SUCLG2: variants seen among roughly 807,000 people sequenced by gnomAD.
SUCLG2 encodes succinate--CoA ligase [GDP-forming] subunit beta, mitochondrial.
Under a neutral mutation model 47.9 loss-of-function variants are expected in SUCLG2, and 42 were observed. The ratio of observed to expected loss-of-function variants is 0.88; its 90% CI spans 0.69 to 1.14. The LOEUF (loss-of-function observed/expected upper bound fraction) is 1.14, where lower values mean the gene tolerates loss of function less well. Among genes scored for constraint, SUCLG2 ranks in the 50% most tolerant of loss-of-function variants. The pLI is 0.00. For missense variants in SUCLG2, 571 were observed against 525.9 expected (o/e 1.09, Z -0.84); for synonymous variants, 195 against 197.3 (o/e 0.99, Z 0.10).
chr3:67,651,516 G>GT (rs1440406459), intron 1 of SUCLG2, among the ~76,000 whole-genome samples: 1 of 152,186 alleles, frequency 6.6e-6, no homozygotes, highest in African/African-American at 2.4e-5. Flanking sequence ...GCAATGTGAA[G>GT]TATGTGTATG....
chr3:67,395,944 G>A (rs1324932199), intron 10 of SUCLG2, among the ~76,000 whole-genome samples: 4 of 152,036 alleles, frequency 2.6e-5, no homozygotes, highest in Non-Finnish European at 5.9e-5. Context: ...GTAAATGAAG[G>A]CAGAAATAAA....
At chr3:67,485,474 T>A (rs1167536663) in intron 9 of SUCLG2, among the ~76,000 whole-genome samples, 1 of 152,164 alleles carries the variant, frequency 6.6e-6, no homozygotes, top group South Asian at 2.1e-4. Context: ...ATTTTATATG[T>A]TAGGCTTCTT....
chr3:67,529,287 G>A, intron 2 of SUCLG2, 101 bp from the exon 3 acceptor site: 7 of 814,020 alleles, frequency 8.6e-6, no homozygotes, highest in South Asian at 1.8e-5. Context: ...CCAAGTAACT[G>A]GTAAAAGCTC....
In SUCLG2 at chr3:67,555,093, T is replaced by C. The variant is rs544701474; in HGVS notation, c.227-25907A>G. 4.8e-3 allele frequency among the ~76,000 whole-genome samples: 731 copies of C among 152,130 alleles called. 5 individuals are homozygous for C. Among genetic ancestry groups the C allele is most frequent in the Middle Eastern group, 0.02 (6 of 294 alleles). On this transcript the variant is annotated intron_variant, in intron 2 of 10. Transcript: ENST00000307227. Reference sequence around the variant, plus strand: ...AGAGACAGAACAGCTGGGAAACTGATCACACTGATTAATAACAGTAAATTA... The same window carrying C: ...AGAGACAGAACAGCTGGGAAACTGACCACACTGATTAATAACAGTAAATTA...
chr3:67,474,460 TGAGAC>T (rs1704692581), intron 9 of SUCLG2, among the ~76,000 whole-genome samples: 1 of 152,166 alleles, frequency 6.6e-6, no homozygotes, highest in Non-Finnish European at 1.5e-5. Context: ...CTGACAGAGA[TGAGAC>T]AAGACGTGAT....
intron 2 of SUCLG2, among the ~76,000 whole-genome samples, chr3:67,534,373 C>T (rs1179808192): frequency 2.0e-5 from 3 of 151,444 alleles, no homozygotes; most frequent in African/African-American, 7.3e-5. Context: ...AATTTTAGTC[C>T]CTATAAAAAT....
At chr3:67,626,881 T>G (rs1700839759) in intron 1 of SUCLG2, among the ~76,000 whole-genome samples, 1 of 117,166 alleles carries the variant, frequency 8.5e-6, no homozygotes, top group African/African-American at 3.4e-5. Flanking sequence ...ACCACTGCAC[T>G]CCAGCCTGGG....
intron 9 of SUCLG2, among the ~76,000 whole-genome samples, chr3:67,410,605 T>C (rs765350673): frequency 2.0e-4 from 30 of 152,160 alleles, no homozygotes; most frequent in Admixed American, 6.6e-4. Context: ...GCAACGTTCT[T>C]TTTTGAGTGC....
chr3:67,453,575 C>T (rs1318591468), intron 9 of SUCLG2, among the ~76,000 whole-genome samples: 3 of 152,144 alleles, frequency 2.0e-5, no homozygotes, highest in Non-Finnish European at 4.4e-5. Flanking sequence ...TTTCAACTTA[C>T]GAATGGTGGG....
rs189413307 is a variant in SUCLG2, at chr3:67,395,855, G to C, written c.1183+4876C>G. ...CACAGTGCAATCAAACTAGAACTCAGGATTAAGAAACTCACTCAAAACCGC... is the reference window on the plus strand; with the variant it reads ...CACAGTGCAATCAAACTAGAACTCACGATTAAGAAACTCACTCAAAACCGC... On this transcript the variant is annotated intron_variant, in intron 10 of 10. Transcript: ENST00000307227. 6.5e-3 allele frequency among the ~76,000 whole-genome samples: 992 copies of C among 152,232 alleles called. 22 individuals carry two copies. The East Asian group carries it at 0.089, about 14-fold the overall frequency.
intron 6 of SUCLG2, among the ~76,000 whole-genome samples, chr3:67,510,761 C>T (rs753709334): frequency 2.0e-5 from 3 of 152,108 alleles, no homozygotes; most frequent in African/African-American, 4.8e-5. Flanking sequence ...GTTGACATTA[C>T]AGCACTGCCT....
At chr3:67,524,621 T>C (rs1360873719) in intron 4 of SUCLG2, among the ~76,000 whole-genome samples, 1 of 152,186 alleles carries the variant, frequency 6.6e-6, no homozygotes, top group Non-Finnish European at 1.5e-5. Context: ...GAAATAAATT[T>C]AGAATCAAAA....
At chr3:67,418,140 T>C (rs1053921343) in intron 9 of SUCLG2, among the ~76,000 whole-genome samples, 2 of 152,236 alleles carry the variant, frequency 1.3e-5, no homozygotes, top group African/African-American at 4.8e-5. Context: ...TCTTTGGGCC[T>C]CAGTTTCTTC....
At chr3:67,404,847 G>A (rs1450035641) in intron 9 of SUCLG2, among the ~76,000 whole-genome samples, 1 of 151,994 alleles carries the variant, frequency 6.6e-6, no homozygotes, top group Non-Finnish European at 1.5e-5. Flanking sequence ...CATTTATAAA[G>A]CATGTCAAAT....
At chr3:67,439,947 A>G (rs1003421711) in intron 9 of SUCLG2, among the ~76,000 whole-genome samples, 1 of 152,182 alleles carries the variant, frequency 6.6e-6, no homozygotes, top group Non-Finnish European at 1.5e-5. Context: ...AAAAGAACAA[A>G]GCTGGAGGCA....
At chr3:67,517,328 G>C (rs1705969828) in intron 6 of SUCLG2, among the ~76,000 whole-genome samples, 1 of 152,180 alleles carries the variant, frequency 6.6e-6, no homozygotes, top group African/African-American at 2.4e-5. Flanking sequence ...AAAGAAAAGA[G>C]TGCATCATGT....
chr3:67,648,839 A>T (rs1189077397), intron 1 of SUCLG2, among the ~76,000 whole-genome samples: 1 of 151,764 alleles, frequency 6.6e-6, no homozygotes, highest in Non-Finnish European at 1.5e-5. Context: ...TGTGCACCCT[A>T]CTCATTGACT....
chr3:67,409,704 G>A (rs1447824145), intron 9 of SUCLG2, among the ~76,000 whole-genome samples: 1 of 151,904 alleles, frequency 6.6e-6, no homozygotes, highest in Non-Finnish European at 1.5e-5. Flanking sequence ...AGGCAGTAAA[G>A]AAATCCAGTT....
intron 1 of SUCLG2, among the ~76,000 whole-genome samples, chr3:67,626,612 A>G (rs76273341): frequency 0.051 from 7,762 of 152,126 alleles, 252 homozygotes; most frequent in African/African-American, 0.087. Flanking sequence ...ACATAGCACA[A>G]AACTGCTTTT....
Sources: gnomAD v4.1 joint callset for allele counts (sites outside exome capture counted in the v4.1 genomes callset) on GRCh38, gnomAD v4.1.1 for gene constraint, MANE v1.5 for transcripts, NCBI Gene and HGNC (gene_info 2026-07-23, HGNC 2026-07-21) for gene names.